The following SNX29 variants were observed in gnomAD, a reference collection of about 807,000 sequenced individuals.
SNX29 encodes the protein sorting nexin-29.
In SNX29, 78 loss-of-function variants were observed where a neutral mutation model predicts 102.1. That is an observed-to-expected ratio of 0.76 (90% CI 0.64 to 0.92). SNX29 has a LOEUF of 0.92. Ranked by LOEUF, SNX29 falls within the 40% of genes least tolerant of loss-of-function variation. SNX29 has a pLI of 0.00. For missense variants in SNX29, 1,280 were observed against 1,061.7 expected (o/e 1.21, Z -2.86); for synonymous variants, 580 against 414.5 (o/e 1.40, Z -4.85).
At chr16:12,396,200 T>C (rs888645218) in intron 16 of SNX29, among the ~76,000 whole-genome samples, 3 of 152,172 alleles carry the variant, frequency 2.0e-5, no homozygotes, top group African/African-American at 7.2e-5. Flanking sequence ...AAATACCTTG[T>C]TCCAGAATTA....
intron 1 of SNX29, among the ~76,000 whole-genome samples, chr16:11,990,279 T>C (rs2055798822): frequency 6.6e-6 from 1 of 152,120 alleles, no homozygotes; most frequent in African/African-American, 2.4e-5. Context: ...TTTCAGCCTC[T>C]CTTGAAAAAC....
chr16:12,526,192 C>T (rs1597741279), intron 20 of SNX29, among the ~76,000 whole-genome samples: 1 of 152,186 alleles, frequency 6.6e-6, no homozygotes, highest in Non-Finnish European at 1.5e-5. Context: ...TTTCCTGTCA[C>T]TGTAGCTGTT....
intron 19 of SNX29, among the ~76,000 whole-genome samples, chr16:12,494,807 C>G (rs560442084): frequency 6.7e-4 from 102 of 152,346 alleles, no homozygotes; most frequent in African/African-American, 2.4e-3. Context: ...GCCTTTGATG[C>G]TGGCTCTTAG....
chr16:12,563,427 G>C (rs67863615), intron 20 of SNX29, among the ~76,000 whole-genome samples: 39,712 of 152,096 alleles, frequency 0.26, 5,780 homozygotes, highest in East Asian at 0.44. Flanking sequence ...TGTTCCTTGC[G>C]GTATGTCCTT....
At position 12,570,482 on chromosome 16, in the gene SNX29, G is replaced by A. The variant is rs990516569; in HGVS notation, c.*1853G>A. 5.1e-5 allele frequency: 12 copies of A among 233,506 alleles called. No homozygotes were observed. Among genetic ancestry groups the A allele is most frequent in the African/African-American group, 2.2e-4 (10 of 45,320 alleles). The allele number at this position is 233,506 out of a possible 1,614,324, so 14.5% of individuals were successfully genotyped here. ...GAAACGTCTAAAAGCTCAATCTGCT[G>A]TATGTCATGACCCCTTAGGTTGGGT... On this transcript the variant is annotated 3_prime_UTR_variant, in exon 21 of 21. Transcript: ENST00000566228.
chr16:12,529,758 C>T (rs976249312), intron 20 of SNX29, among the ~76,000 whole-genome samples: 2 of 152,082 alleles, frequency 1.3e-5, no homozygotes, highest in African/African-American at 4.8e-5. Context: ...GCCTTGTTCT[C>T]CCAGTGAGCA....
intron 16 of SNX29, among the ~76,000 whole-genome samples, chr16:12,381,774 C>A (rs1185936744): frequency 1.7e-5 from 2 of 119,766 alleles, no homozygotes; most frequent in Non-Finnish European, 3.5e-5. Flanking sequence ...ACCCATCATC[C>A]AGCCACCCAC....
chr16:12,002,523 G>A (rs991762449), intron 2 of SNX29, among the ~76,000 whole-genome samples: 3 of 151,630 alleles, frequency 2.0e-5, no homozygotes, highest in Non-Finnish European at 2.9e-5. Flanking sequence ...ACAACCAGAT[G>A]ACTCATATGA....
At position 12,568,605 on chromosome 16, in the gene SNX29, G is replaced by C; in HGVS notation, c.2418G>C (p.Val806=). 1 of 1,605,180 alleles carries C rather than the reference G, an allele frequency of 6.2e-7. No homozygotes were observed. The highest frequency in any genetic ancestry group is 8.5e-7 in the Non-Finnish European group (1 of 1,179,824). ...GTCAGCCCCGGGAGACCCGCAACGTGGAGCCCCAGAGCGGTGACCTCTGAC... is the reference window on the plus strand; with the variant it reads ...GTCAGCCCCGGGAGACCCGCAACGTCGAGCCCCAGAGCGGTGACCTCTGAC... ...SRGQPRETRN[V]EPQSGDL is the part of the protein sequence containing the mutation. The change falls in exon 21 of 21, where the codon GTG becomes GTC. Residue 806 remains valine (V), a synonymous_variant. Coordinates refer to ENST00000566228, the MANE Select transcript of SNX29 (RefSeq NM_032167.5).
At chr16:12,357,349 A>T (rs1453636869) in intron 16 of SNX29, among the ~76,000 whole-genome samples, 1 of 152,178 alleles carries the variant, frequency 6.6e-6, no homozygotes, top group Non-Finnish European at 1.5e-5. Context: ...TACAAAAAAA[A>T]ATACAATATC....
intron 13 of SNX29, among the ~76,000 whole-genome samples, chr16:12,171,710 G>A (rs868715373): frequency 4.6e-5 from 7 of 152,268 alleles, no homozygotes; most frequent in Admixed American, 6.5e-5. Flanking sequence ...TCTCCTGACC[G>A]AAAGGATAGG....
At chr16:12,351,737 C>T (rs887678480) in intron 15 of SNX29, among the ~76,000 whole-genome samples, 5 of 152,042 alleles carry the variant, frequency 3.3e-5, no homozygotes, top group Non-Finnish European at 7.4e-5. Context: ...TCCTAAAGCT[C>T]TGAAGGCATC....
chr16:12,438,921 C>A (rs922225220), intron 18 of SNX29, among the ~76,000 whole-genome samples: 1 of 152,158 alleles, frequency 6.6e-6, no homozygotes, highest in South Asian at 2.1e-4. Flanking sequence ...GAGGGAAACA[C>A]AGCAGGGAAG....
intron 13 of SNX29, among the ~76,000 whole-genome samples, chr16:12,170,264 C>T (rs1384397026): frequency 2.0e-5 from 3 of 151,868 alleles, no homozygotes; most frequent in Non-Finnish European, 2.9e-5. Context: ...AGAGTGGCAG[C>T]GCATGTGATG....
intron 20 of SNX29, among the ~76,000 whole-genome samples, chr16:12,559,267 A>G (rs1405398811): frequency 1.3e-5 from 2 of 152,088 alleles, no homozygotes; most frequent in Non-Finnish European, 1.5e-5. Context: ...TCTGCCTGTC[A>G]GATCAGCAGC....
chr16:12,150,696 T>C (rs1284670094), intron 13 of SNX29, among the ~76,000 whole-genome samples: 3 of 152,218 alleles, frequency 2.0e-5, no homozygotes, highest in Non-Finnish European at 2.9e-5. Context: ...ATTGCCACGG[T>C]CACAGTATCG....
At chr16:12,215,566 G>T (rs557874744) in intron 14 of SNX29, among the ~76,000 whole-genome samples, 25 of 152,290 alleles carry the variant, frequency 1.6e-4, no homozygotes, top group African/African-American at 6.0e-4. Flanking sequence ...AGAGGGGGGT[G>T]CCTGGTCTTT....
At chr16:12,411,266 T>C (rs1277905328) in intron 18 of SNX29, among the ~76,000 whole-genome samples, 1 of 152,152 alleles carries the variant, frequency 6.6e-6, no homozygotes, top group Non-Finnish European at 1.5e-5. Flanking sequence ...TGCTGTTTGA[T>C]TTGTGAGTTT....
chr16:12,501,317 T>C (rs2089111114), intron 19 of SNX29, among the ~76,000 whole-genome samples: 1 of 152,104 alleles, frequency 6.6e-6, no homozygotes, highest in Non-Finnish European at 1.5e-5. Context: ...GGCAGAAGGA[T>C]TGCTTGAGAT....
Sources: gnomAD v4.1 joint callset for allele counts (sites outside exome capture counted in the v4.1 genomes callset) on GRCh38, gnomAD v4.1.1 for gene constraint, MANE v1.5 for transcripts, NCBI Gene and HGNC (gene_info 2026-07-23, HGNC 2026-07-21) for gene names.